The following GRM1 variants were observed in gnomAD, a reference collection of about 807,000 sequenced individuals.
GRM1 encodes the protein metabotropic glutamate receptor 1.
In GRM1, 33 loss-of-function variants were observed where a neutral mutation model predicts 90.9. The observed-to-expected ratio is 0.36, with a 90% confidence interval of 0.28 to 0.49. GRM1 has a LOEUF of 0.49. Ranked by LOEUF, GRM1 falls within the 20% of genes least tolerant of loss-of-function variation. GRM1 has a pLI of 0.99. For synonymous variants in GRM1, 700 were observed against 613.2 expected (o/e 1.14, Z -2.09); for missense variants, 1,190 against 1,534.3 (o/e 0.78, Z 3.75).
chr6:146,162,396 G>A (rs1194346825), intron 2 of GRM1, among the ~76,000 whole-genome samples: 6 of 152,126 alleles, frequency 3.9e-5, no homozygotes, highest in African/African-American at 1.4e-4. Flanking sequence ...CACATGCAAT[G>A]TGTCTGGAAC....
rs1781364177 is a variant in GRM1 at position 146,253,205 on chromosome 6, T to A, written c.951-51406T>A. On this transcript the variant is annotated intron_variant, in intron 2 of 7. Transcript: ENST00000282753. ...TTTTATAAAGATCCTTCGGCAGCAA[T>A]ATGAAGCATAAATTTGCAGAAATTG... 2.6e-5 allele frequency among the ~76,000 whole-genome samples: 4 copies of A among 152,308 alleles called. No homozygotes were observed. The South Asian group carries it at 8.3e-4, about 32-fold the overall frequency.
chr6:146,272,212 C>T (rs1232193706), intron 2 of GRM1, among the ~76,000 whole-genome samples: 8 of 152,166 alleles, frequency 5.3e-5, no homozygotes, highest in Non-Finnish European at 8.8e-5. Flanking sequence ...TGCAAGGGTG[C>T]TTGGGGATTC....
chr6:146,198,414 A>C (rs751644071), intron 2 of GRM1, among the ~76,000 whole-genome samples: 39 of 152,280 alleles, frequency 2.6e-4, no homozygotes, highest in Non-Finnish European at 5.4e-4. Flanking sequence ...CCCAGGATAA[A>C]AAATATTTTT....
At chr6:146,411,197 C>G (rs1257197506) in intron 7 of GRM1, among the ~76,000 whole-genome samples, 1 of 152,054 alleles carries the variant, frequency 6.6e-6, no homozygotes, top group Non-Finnish European at 1.5e-5. Flanking sequence ...AAGTCTCCAA[C>G]CAGTCCAAGA....
At chr6:146,118,479 G>A (rs2128876354) in intron 1 of GRM1, among the ~76,000 whole-genome samples, 1 of 152,206 alleles carries the variant, frequency 6.6e-6, no homozygotes, top group South Asian at 2.1e-4. Context: ...GAGTACATGT[G>A]CACAACGTGC....
chr6:146,366,428 A>G (rs1775688497), intron 5 of GRM1, among the ~76,000 whole-genome samples: 1 of 151,982 alleles, frequency 6.6e-6, no homozygotes, highest in African/African-American at 2.4e-5. Context: ...GCTATCAAAC[A>G]CTAGCATTTA....
At chr6:146,206,668 A>G (rs1266550015) in intron 2 of GRM1, among the ~76,000 whole-genome samples, 1 of 151,640 alleles carries the variant, frequency 6.6e-6, no homozygotes, top group Non-Finnish European at 1.5e-5. Context: ...GGTACATATG[A>G]AGGTTTGTTA....
chr6:146,241,920 A>C (rs563399421), intron 2 of GRM1, among the ~76,000 whole-genome samples: 150 of 152,292 alleles, frequency 9.8e-4, no homozygotes, highest in Non-Finnish European at 1.5e-3. Context: ...TTCAGTAACC[A>C]GGATGTTAGG....
chr6:146,204,536 G>A (rs1449496965), intron 2 of GRM1, among the ~76,000 whole-genome samples: 5 of 152,144 alleles, frequency 3.3e-5, no homozygotes, highest in African/African-American at 1.2e-4. Flanking sequence ...AGAAGGTGTA[G>A]CCCAGGTATC....
chr6:146,268,952 C>T (rs1027829268), intron 2 of GRM1, among the ~76,000 whole-genome samples: 2 of 152,212 alleles, frequency 1.3e-5, no homozygotes, highest in Admixed American at 6.5e-5. Context: ...CACACACTTA[C>T]AGCCAACTGA....
chr6:146,210,921 C>T (rs1779668759), intron 2 of GRM1, among the ~76,000 whole-genome samples: 1 of 152,050 alleles, frequency 6.6e-6, no homozygotes, highest in East Asian at 1.9e-4. Context: ...TGGGGAGAGA[C>T]CTTTAAAGCT....
At chr6:146,242,369 T>C (rs1477216912) in intron 2 of GRM1, among the ~76,000 whole-genome samples, 1 of 152,114 alleles carries the variant, frequency 6.6e-6, no homozygotes, top group African/African-American at 2.4e-5. Flanking sequence ...ATTTCCTAAG[T>C]AATATAGGAT....
chr6:146,301,287 G>A (rs1482024215), intron 2 of GRM1, among the ~76,000 whole-genome samples: 3 of 152,182 alleles, frequency 2.0e-5, no homozygotes, highest in African/African-American at 4.8e-5. Flanking sequence ...TAGTGGTTAA[G>A]GAGACTTAGA....
Position 146,047,973 on chromosome 6 carries a change from T to C in GRM1, c.700+17756T>C, listed in dbSNP as rs75295516. Among the ~76,000 whole-genome samples the C allele has an allele frequency of 1.4e-3, 214 of 152,076 alleles. 1 individual carries two copies. The East Asian group carries it at 0.018, about 13-fold the overall frequency. ...AGAGCAAGATCACTCCTTATGTCAC[T>C]CCTTAATAGCATGCATGGGTTCCTG... On this transcript the variant is annotated intron_variant, in intron 1 of 7. Coordinates refer to ENST00000282753, the MANE Select transcript of GRM1 (RefSeq NM_001278064.2).
chr6:146,329,322 A>G (rs1221568034), intron 3 of GRM1, among the ~76,000 whole-genome samples: 1 of 152,118 alleles, frequency 6.6e-6, no homozygotes, highest in Non-Finnish European at 1.5e-5. Flanking sequence ...TAATTCAAGT[A>G]CTATTTCAGA....
chr6:146,180,288 A>G (rs936459255), intron 2 of GRM1, among the ~76,000 whole-genome samples: 8 of 151,942 alleles, frequency 5.3e-5, no homozygotes, highest in Non-Finnish European at 1.2e-4. Context: ...GATTTGCTAG[A>G]TTTTGTTGCT....
At chr6:146,420,950 A>G (rs924510393) in intron 7 of GRM1, among the ~76,000 whole-genome samples, 2 of 152,172 alleles carry the variant, frequency 1.3e-5, no homozygotes, top group African/African-American at 4.8e-5. Flanking sequence ...CCACCAGAGG[A>G]AAGACTGATG....
intron 3 of GRM1, among the ~76,000 whole-genome samples, chr6:146,311,676 T>C (rs887965013): frequency 6.6e-6 from 1 of 152,228 alleles, no homozygotes; most frequent in Non-Finnish European, 1.5e-5. Context: ...TCAATACAGG[T>C]ACTAGAATAT....
At chr6:146,219,159 C>G (rs1477831320) in intron 2 of GRM1, among the ~76,000 whole-genome samples, 2 of 152,138 alleles carry the variant, frequency 1.3e-5, no homozygotes, top group African/African-American at 2.4e-5. Flanking sequence ...TAAGAAATAG[C>G]ATTTAAATCA....
Sources: allele counts gnomAD v4.1 joint callset (sites outside exome capture counted in the v4.1 genomes callset), GRCh38; gene constraint gnomAD v4.1.1; transcripts MANE v1.5; gene names NCBI Gene and HGNC (gene_info 2026-07-23, HGNC 2026-07-21).